RNF111: variants seen among roughly 807,000 people sequenced by gnomAD.
The protein encoded by RNF111 is ring finger protein 111.
Under a neutral mutation model 95.1 loss-of-function variants are expected in RNF111, and 17 were observed. That is an observed-to-expected ratio of 0.18 (90% CI 0.12 to 0.27). The LOEUF is 0.27. Among genes scored for constraint, RNF111 ranks in the 10% least tolerant of loss-of-function variants. The pLI is 1.00. For missense variants in RNF111, 1,189 were observed against 1,210.4 expected, an observed-to-expected ratio of 0.98 and a Z score of 0.26; for synonymous variants, 440 against 414.8, an observed-to-expected ratio of 1.06 and a Z score of -0.74.
intron 1 of RNF111, among the ~76,000 whole-genome samples, chr15:59,003,267 C>T (rs2039403540): frequency 6.6e-6 from 1 of 151,460 alleles, no homozygotes; most frequent in African/African-American, 2.4e-5. Context: ...CATGTACCAC[C>T]ACACCCAGCT....
intron 5 of RNF111, among the ~76,000 whole-genome samples, chr15:59,064,428 C>G (rs915238932): frequency 6.8e-6 from 1 of 146,710 alleles, no homozygotes; most frequent in African/African-American, 2.5e-5. Flanking sequence ...CCCAGCTACT[C>G]GGGAGGCTGA....
At chr15:59,009,281 A>T (rs1204175237) in intron 1 of RNF111, among the ~76,000 whole-genome samples, 1 of 151,910 alleles carries the variant, frequency 6.6e-6, no homozygotes, top group Non-Finnish European at 1.5e-5. Flanking sequence ...TTTACATGTT[A>T]TCAGCTTTGG....
chr15:59,069,029 A>C (rs1421059505), intron 6 of RNF111, among the ~76,000 whole-genome samples: 2 of 148,034 alleles, frequency 1.4e-5, no homozygotes, highest in African/African-American at 5.0e-5. Flanking sequence ...AGCTGAGATC[A>C]TGCCACCACA....
At chr15:59,059,790 A>G (rs112835635) in intron 5 of RNF111, among the ~76,000 whole-genome samples, 1,923 of 152,302 alleles carry the variant, frequency 0.013, 14 homozygotes, top group Middle Eastern at 0.024. Context: ...GGATAATGGT[A>G]CAGAGATAGG....
intron 6 of RNF111, among the ~76,000 whole-genome samples, chr15:59,067,500 A>C (rs576344807): frequency 5.2e-4 from 79 of 152,154 alleles, no homozygotes; most frequent in African/African-American, 1.9e-3. Flanking sequence ...TAGATTTTAT[A>C]CACTAAATTA....
chr15:59,073,864 A>G (rs879751353), intron 6 of RNF111, among the ~76,000 whole-genome samples: 1 of 152,210 alleles, frequency 6.6e-6, no homozygotes, highest in Non-Finnish European at 1.5e-5. Context: ...CTTTAATAGT[A>G]AGACTTGAAA....
At chr15:59,011,178 GTTC>G (rs1362218961) in intron 1 of RNF111, among the ~76,000 whole-genome samples, 1 of 152,138 alleles carries the variant, frequency 6.6e-6, no homozygotes, top group Non-Finnish European at 1.5e-5. Flanking sequence ...TTGGGTCTCT[GTTC>G]TTCGAATTTC....
Position 59,032,618 on chromosome 15 carries a change from G to A in RNF111, c.880+916G>A, listed in dbSNP as rs1596144767. 2.6e-5 allele frequency among the ~76,000 whole-genome samples: 4 copies of A among 152,198 alleles called. 1 individual carries two copies. Among genetic ancestry groups the A allele is most frequent in the Admixed American group, 2.6e-4 (4 of 15,264 alleles). On this transcript the variant is annotated intron_variant, in intron 2 of 13. Coordinates refer to ENST00000348370, the MANE Select transcript of RNF111 (RefSeq NM_017610.8). ...TGTATTTTTTGTAGAGATGGGTTTT[G>A]CCAAGTTGCCCAGGTTGGTCTTGAA... is the stretch of plus-strand genomic sequence containing the variant.
intron 6 of RNF111, 81 bp from the exon 7 acceptor site, chr15:59,075,871 TTA>T: frequency 7.0e-7 from 1 of 1,421,148 alleles, no homozygotes; most frequent in Non-Finnish European, 9.5e-7. Flanking sequence ...GTTTTTTTGG[TTA>T]TATTAGGAAT....
At chr15:59,058,280 A>G in intron 4 of RNF111, 76 bp from the exon 5 acceptor site, 2 of 1,142,754 alleles carry the variant, frequency 1.8e-6, no homozygotes, top group Non-Finnish European at 2.6e-6. Flanking sequence ...AATTATAAAC[A>G]CATTAGCTTA....
chr15:59,056,951 G>A (rs2042224119), intron 4 of RNF111, among the ~76,000 whole-genome samples: 1 of 152,118 alleles, frequency 6.6e-6, no homozygotes, highest in Admixed American at 6.6e-5. Context: ...ACTTTACTGG[G>A]TTAAAAGTAT....
At chr15:59,086,052 G>A (rs1400631397) in intron 10 of RNF111, among the ~76,000 whole-genome samples, 1 of 152,090 alleles carries the variant, frequency 6.6e-6, no homozygotes, top group Non-Finnish European at 1.5e-5. Context: ...ACTGTCAGGA[G>A]TATACTGTGC....
intron 1 of RNF111, among the ~76,000 whole-genome samples, chr15:59,006,582 C>G (rs1460506109): frequency 6.6e-6 from 1 of 152,168 alleles, no homozygotes; most frequent in Non-Finnish European, 1.5e-5. Flanking sequence ...CACCTAGATT[C>G]TATGATTAAC....
At chr15:59,023,673 T>C (rs1198515137) in intron 1 of RNF111, among the ~76,000 whole-genome samples, 3 of 152,226 alleles carry the variant, frequency 2.0e-5, no homozygotes, top group African/African-American at 7.2e-5. Context: ...GCCCATTCCC[T>C]TGTTTAAATG....
intron 4 of RNF111, among the ~76,000 whole-genome samples, chr15:59,056,892 G>C (rs977153782): frequency 6.6e-6 from 1 of 152,110 alleles, no homozygotes; most frequent in Non-Finnish European, 1.5e-5. Flanking sequence ...GTAGGAGAAG[G>C]TGATAGAGTA....
intron 1 of RNF111, 143 bp from the exon 2 acceptor site, chr15:59,030,661 A>G (rs1215934857): frequency 5.5e-6 from 3 of 544,858 alleles, no homozygotes; most frequent in African/African-American, 3.8e-5. Context: ...AAAATAATTC[A>G]TAACAGACAT....
chr15:59,071,337 T>C (rs925140109), intron 6 of RNF111, among the ~76,000 whole-genome samples: 1 of 151,160 alleles, frequency 6.6e-6, no homozygotes, highest in Non-Finnish European at 1.5e-5. Context: ...GAAGTGATTC[T>C]TGCCTTTGCT....
intron 1 of RNF111, among the ~76,000 whole-genome samples, chr15:59,006,461 C>G (rs2039544409): frequency 1.3e-5 from 2 of 152,100 alleles, no homozygotes; most frequent in Non-Finnish European, 2.9e-5. Flanking sequence ...AGTATTATTA[C>G]TCTTGTGTTT....
At chr15:59,001,432 A>T (rs1470059637) in intron 1 of RNF111, among the ~76,000 whole-genome samples, 1 of 151,772 alleles carries the variant, frequency 6.6e-6, no homozygotes, top group African/African-American at 2.4e-5. Context: ...GTTGTTGATT[A>T]AAAAAAAATT....
Sources: allele counts gnomAD v4.1 joint callset (sites outside exome capture counted in the v4.1 genomes callset), GRCh38; gene constraint gnomAD v4.1.1; transcripts MANE v1.5; gene names NCBI Gene and HGNC (gene_info 2026-07-23, HGNC 2026-07-21).